ADSS2: variants seen among roughly 807,000 people sequenced by gnomAD.
ADSS2 encodes the protein adenylosuccinate synthetase isozyme 2.
In ADSS2, 30 loss-of-function variants were observed where a neutral mutation model predicts 60.0. The observed-to-expected ratio is 0.50, with a 90% CI of 0.37 to 0.68. ADSS2 has a LOEUF of 0.68. ADSS2 is among the 30% of genes least tolerant of loss of function. ADSS2 has a pLI of 0.00. For missense variants in ADSS2, 373 were observed against 554.8 expected (o/e 0.67, Z 3.29); for synonymous variants, 187 against 193.1 (o/e 0.97, Z 0.26).
chr1:244,409,665 T>C, intron 12 of ADSS2, 27 bp from the exon 13 acceptor site: 1 of 1,549,844 alleles, frequency 6.5e-7, no homozygotes. Flanking sequence ...AGAAAAGGAA[T>C]TGAATCAATT....
chr1:244,433,098 T>G (rs1374791735), intron 3 of ADSS2, among the ~76,000 whole-genome samples: 1 of 151,982 alleles, frequency 6.6e-6, no homozygotes, highest in East Asian at 2.0e-4. Context: ...TAGCTGGGTG[T>G]GGTGGTGGGT....
chr1:244,433,055 G>A (rs1664988507), intron 3 of ADSS2, among the ~76,000 whole-genome samples: 1 of 152,000 alleles, frequency 6.6e-6, no homozygotes, highest in African/African-American at 2.4e-5. Flanking sequence ...TGGTCAACAT[G>A]GTAAAACCCC....
intron 3 of ADSS2, among the ~76,000 whole-genome samples, chr1:244,435,194 A>AAAAAAAAAACAAAC (rs1553308065): frequency 9.4e-5 from 12 of 127,910 alleles, no homozygotes; most frequent in African/African-American, 3.9e-4. Context: ...AAAAAAAAAA[A>AAAAAAAAAACAAAC]AAACAAACCT....
At position 244,416,130 on chromosome 1, in the gene ADSS2, A is replaced by C. The variant is rs182339581; in HGVS notation, c.1071-52T>G. On this transcript the variant is annotated intron_variant, in intron 10 of 12. Coordinates refer to ENST00000366535, the MANE Select transcript of ADSS2 (RefSeq NM_001126.5). ...AAAAGAGCAGACTCTTAAAGCCTCTAATATCTAATTTGATTAATGCAGGAG... is the reference window on the plus strand; with the variant it reads ...AAAAGAGCAGACTCTTAAAGCCTCTCATATCTAATTTGATTAATGCAGGAG... 1.7e-4 allele frequency: 214 copies of C among 1,259,044 alleles called. 1 individual carries two copies. The highest frequency in any genetic ancestry group is 2.3e-4 in the Non-Finnish European group (205 of 873,744). The allele number at this position is 1,259,044 out of a possible 1,614,324, so 78.0% of individuals were successfully genotyped here.
At chr1:244,429,831 A>G (rs1664892341) in intron 4 of ADSS2, among the ~76,000 whole-genome samples, 2 of 152,122 alleles carry the variant, frequency 1.3e-5, no homozygotes. Context: ...GTAGTGAACC[A>G]AGATCATGCC....
In ADSS2 at chr1:244,436,807, A is replaced by G. The variant is rs954127439; in HGVS notation, c.355+18T>C. 2 of 1,590,416 alleles carry G rather than the reference A, an allele frequency of 1.3e-6. No individual in the cohort carries two copies. The highest frequency in any genetic ancestry group is 2.7e-5 in the African/African-American group (2 of 74,424). On this transcript the variant is annotated intron_variant, in intron 3 of 12. Coordinates refer to ENST00000366535, the MANE Select transcript of ADSS2 (RefSeq NM_001126.5). ...TACAAAGAACAACTGGTTACCAAGT[A>G]GACTCATTCTTTCATACCTTTTCCT... is the stretch of plus-strand genomic sequence containing the variant.
In ADSS2 at chr1:244,422,936, C is replaced by T; in HGVS notation, c.582-20G>A. Reference sequence around the variant, plus strand: ...TTAAACCTGAGAAACACAGATAAATCAAGACATTACCACTCTGTGAAAAAT... The same window carrying T: ...TTAAACCTGAGAAACACAGATAAATTAAGACATTACCACTCTGTGAAAAAT... On this transcript the variant is annotated intron_variant, in intron 6 of 12. Transcript: ENST00000366535. 4 of 1,431,476 alleles carry T rather than the reference C, an allele frequency of 2.8e-6. No individual in the cohort carries two copies. The highest frequency in any genetic ancestry group is 3.9e-6 in the Non-Finnish European group (4 of 1,021,866). The allele number at this position is 1,431,476 out of a possible 1,614,324, so 88.7% of individuals were successfully genotyped here. A position where few individuals can be genotyped will look rare whatever the true frequency, so the allele number is the denominator to read the frequency against.
chr1:244,431,722 A>G (rs1272968819), intron 4 of ADSS2, among the ~76,000 whole-genome samples: 1 of 152,242 alleles, frequency 6.6e-6, no homozygotes, highest in Non-Finnish European at 1.5e-5. Context: ...AGTTTCATAT[A>G]GAAACTGTAT....
chr1:244,430,918 T>A (rs1288816831), intron 4 of ADSS2, among the ~76,000 whole-genome samples: 1 of 152,072 alleles, frequency 6.6e-6, no homozygotes, highest in Non-Finnish European at 1.5e-5. Flanking sequence ...GGTCAGGAGT[T>A]CAAGACCAGC....
rs1030422165 is a variant in ADSS2, at chr1:244,411,291, A to G, written c.1314T>C (p.Ile438=). The change falls in exon 12 of 13, where the codon ATT becomes ATC. Residue 438 remains isoleucine (I), a synonymous_variant. Transcript: ENST00000366535. Reference sequence around the variant, plus strand: ...TCACAAAGTGTTTATGTTTACCTGGAATTTGAAGCTCATCTTCAATAAATC... The same window carrying G: ...TCACAAAGTGTTTATGTTTACCTGGGATTTGAAGCTCATCTTCAATAAATC... The part of the protein sequence containing the change: ...YVRFIEDELQ[I]PVKWIGVGKS... 6.2e-7 allele frequency: 1 copy of G among 1,605,156 alleles called. No homozygotes were observed. Among genetic ancestry groups the G allele is most frequent in the African/African-American group, 1.3e-5 (1 of 74,322 alleles).
intron 3 of ADSS2, 89 bp from the exon 4 acceptor site, chr1:244,432,684 GAC>G: frequency 2.5e-6 from 1 of 404,796 alleles, no homozygotes; most frequent in Non-Finnish European, 3.7e-6. Flanking sequence ...TTTTTTTTGA[GAC>G]AGAGTCTCGC....
chr1:244,441,300 C>T lies in ADSS2; in HGVS notation c.184-3532G>A, dbSNP rs563033827. Among the ~76,000 whole-genome samples, 173 of 152,136 alleles carry T rather than the reference C, an allele frequency of 1.1e-3. 1 individual carries two copies. The highest frequency in any genetic ancestry group is 2.0e-3 in the Non-Finnish European group (133 of 67,990). ...GTCTCGATCTCCTGACTTTGTGATC[C>T]GCCCGCCTCGGCCTTCCAAAGTGCT... On this transcript the variant is annotated intron_variant, in intron 1 of 12. Transcript: ENST00000366535.
chr1:244,422,698 C>T, intron 7 of ADSS2, 137 bp downstream of exon 7: 2 of 632,084 alleles, frequency 3.2e-6, no homozygotes, highest in Non-Finnish European at 5.6e-6. Context: ...CATGTAAAGT[C>T]ACTCAAACAT....
At chr1:244,414,468 C>T (rs1664483735) in intron 11 of ADSS2, among the ~76,000 whole-genome samples, 1 of 152,176 alleles carries the variant, frequency 6.6e-6, no homozygotes, top group Admixed American at 6.5e-5. Context: ...AATCATTTAC[C>T]TCTTCCAGTG....
At chr1:244,447,810 A>G (rs978463089) in intron 1 of ADSS2, among the ~76,000 whole-genome samples, 11 of 152,206 alleles carry the variant, frequency 7.2e-5, no homozygotes, top group African/African-American at 2.4e-4. Flanking sequence ...CAATTACAAG[A>G]AAGGGTTACT....
At chr1:244,429,808 G>C (rs1296843578) in intron 4 of ADSS2, among the ~76,000 whole-genome samples, 1 of 152,146 alleles carries the variant, frequency 6.6e-6, no homozygotes, top group Non-Finnish European at 1.5e-5. Flanking sequence ...CTTGAACCCA[G>C]GAGGTGGAGG....
chr1:244,448,811 C>T (rs777575543), intron 1 of ADSS2, among the ~76,000 whole-genome samples: 5 of 152,106 alleles, frequency 3.3e-5, no homozygotes, highest in South Asian at 2.1e-4. Flanking sequence ...TTCTCCATCC[C>T]GACCTTCTCA....
chr1:244,434,226 T>C (rs952259253), intron 3 of ADSS2, among the ~76,000 whole-genome samples: 18 of 150,692 alleles, frequency 1.2e-4, no homozygotes, highest in African/African-American at 4.1e-4. Flanking sequence ...CATGGTGGCA[T>C]GTGCCTACAG....
At chr1:244,418,570 C>T (rs574102772) in intron 9 of ADSS2, among the ~76,000 whole-genome samples, 190 bp downstream of exon 9, 1 of 152,302 alleles carries the variant, frequency 6.6e-6, no homozygotes, top group African/African-American at 2.4e-5. Flanking sequence ...ATCTGCCTGC[C>T]TCTGCCTCCC....
Sources: allele counts gnomAD v4.1 joint callset (sites outside exome capture counted in the v4.1 genomes callset), GRCh38; gene constraint gnomAD v4.1.1; transcripts MANE v1.5; gene names NCBI Gene and HGNC (gene_info 2026-07-23, HGNC 2026-07-21).